AGBL4: variants seen among roughly 807,000 people sequenced by gnomAD.
AGBL4 encodes the protein AGBL carboxypeptidase 4.
In AGBL4, 58 loss-of-function variants were observed where a neutral mutation model predicts 66.4. The ratio of observed to expected loss-of-function variants is 0.87; its 90% CI spans 0.71 to 1.09. The LOEUF (loss-of-function observed/expected upper bound fraction) is 1.09, where lower values mean the gene tolerates loss of function less well. AGBL4 is among the 50% of genes least tolerant of loss of function. The pLI is 0.00. For missense variants in AGBL4, 579 were observed against 631.0 expected (o/e 0.92, Z 0.88); for synonymous variants, 234 against 222.9 (o/e 1.05, Z -0.44).
At chr1:49,437,209 C>T (rs1258048056) in intron 3 of AGBL4, among the ~76,000 whole-genome samples, 1 of 152,108 alleles carries the variant, frequency 6.6e-6, no homozygotes, top group African/African-American at 2.4e-5. Context: ...AGCTATCAAC[C>T]TTATTACTTT....
At chr1:48,994,985 C>T (rs1190820767) in intron 5 of AGBL4, among the ~76,000 whole-genome samples, 3 of 152,158 alleles carry the variant, frequency 2.0e-5, no homozygotes, top group Non-Finnish European at 4.4e-5. Context: ...ATTTCAAACA[C>T]AATTTGAGCC....
At chr1:49,331,815 C>T (rs1484835868) in intron 3 of AGBL4, among the ~76,000 whole-genome samples, 1 of 151,698 alleles carries the variant, frequency 6.6e-6, no homozygotes, top group Non-Finnish European at 1.5e-5. Context: ...CATGGCCAGA[C>T]TGCTTCTTTA....
At chr1:49,617,265 T>C (rs1298553587) in intron 3 of AGBL4, among the ~76,000 whole-genome samples, 4 of 152,196 alleles carry the variant, frequency 2.6e-5, no homozygotes, top group Non-Finnish European at 5.9e-5. Flanking sequence ...CTGCTTCATA[T>C]GCTCTGCCCT....
At chr1:49,058,862 G>T (rs1644352060) in intron 4 of AGBL4, among the ~76,000 whole-genome samples, 1 of 152,208 alleles carries the variant, frequency 6.6e-6, no homozygotes, top group South Asian at 2.1e-4. Flanking sequence ...GTGGCATTTT[G>T]CCCTGCCCTA....
intron 6 of AGBL4, among the ~76,000 whole-genome samples, chr1:48,779,466 C>G (rs993027273): frequency 2.0e-5 from 3 of 152,162 alleles, no homozygotes; most frequent in Non-Finnish European, 2.9e-5. Flanking sequence ...ACCACCCACA[C>G]TTTTCAAGGA....
chr1:50,013,163 C>T (rs1661681163), intron 1 of AGBL4, among the ~76,000 whole-genome samples: 2 of 152,116 alleles, frequency 1.3e-5, no homozygotes, highest in Admixed American at 1.3e-4. Flanking sequence ...ATCAGTACAA[C>T]ACAACACGAA....
At chr1:48,573,208 G>A (rs1004496048) in intron 11 of AGBL4, among the ~76,000 whole-genome samples, 1 of 152,178 alleles carries the variant, frequency 6.6e-6, no homozygotes, top group African/African-American at 2.4e-5. Flanking sequence ...TTTGAGTCCA[G>A]GGTGAAACGG....
intron 3 of AGBL4, among the ~76,000 whole-genome samples, chr1:49,367,070 T>C (rs1644253954): frequency 6.6e-6 from 1 of 152,160 alleles, no homozygotes; most frequent in Non-Finnish European, 1.5e-5. Flanking sequence ...GGAAGCTGCC[T>C]AGGTCCAGCA....
At chr1:48,994,365 C>A (rs1178284557) in intron 5 of AGBL4, among the ~76,000 whole-genome samples, 1 of 152,176 alleles carries the variant, frequency 6.6e-6, no homozygotes, top group Non-Finnish European at 1.5e-5. Flanking sequence ...CCTCCCTGTA[C>A]TATGCTTATA....
chr1:49,415,359 G>GA (rs952277361), intron 3 of AGBL4, among the ~76,000 whole-genome samples: 1 of 152,154 alleles, frequency 6.6e-6, no homozygotes, highest in African/African-American at 2.4e-5. Context: ...AATAAAAGAT[G>GA]AAATAGTAAG....
intron 4 of AGBL4, among the ~76,000 whole-genome samples, chr1:49,094,173 A>C (rs1262272596): frequency 6.6e-6 from 1 of 152,128 alleles, no homozygotes; most frequent in African/African-American, 2.4e-5. Context: ...TAGTACTGGC[A>C]CTATTTATAA....
At chr1:49,948,004 A>ATG (rs1553151787) in intron 1 of AGBL4, among the ~76,000 whole-genome samples, 1 of 31,126 alleles carries the variant, frequency 3.2e-5, no homozygotes, top group East Asian at 4.0e-4. Flanking sequence ...ATATAAATAT[A>ATG]TATAAATATA....
chr1:48,637,962 A>C (rs918061140), intron 8 of AGBL4, among the ~76,000 whole-genome samples: 2 of 152,162 alleles, frequency 1.3e-5, no homozygotes, highest in Non-Finnish European at 2.9e-5. Flanking sequence ...GCATCTAAAT[A>C]TTTAGAAAGG....
chr1:48,703,951 C>T (rs983326368), intron 6 of AGBL4, among the ~76,000 whole-genome samples: 1 of 152,176 alleles, frequency 6.6e-6, no homozygotes, highest in Non-Finnish European at 1.5e-5. Context: ...TAGGCAATTG[C>T]ATGGTTGTAC....
At chr1:49,266,032 C>T (rs1473132897) in intron 3 of AGBL4, 1 of 152,080 alleles carries the variant, frequency 6.6e-6, no homozygotes, top group East Asian at 1.9e-4. Flanking sequence ...ATGTGAAAAA[C>T]GAATCCTTAT....
chr1:49,371,655 C>T (rs1644347543), intron 3 of AGBL4, among the ~76,000 whole-genome samples: 1 of 152,130 alleles, frequency 6.6e-6, no homozygotes, highest in African/African-American at 2.4e-5. Context: ...GTCACCCTTT[C>T]CTGGCCCTCT....
intron 5 of AGBL4, among the ~76,000 whole-genome samples, chr1:48,907,381 C>A (rs1652700635): frequency 6.6e-6 from 1 of 152,104 alleles, no homozygotes; most frequent in Non-Finnish European, 1.5e-5. Context: ...TACTATGTTG[C>A]TGAATAAATG....
chr1:49,121,292 G>T (rs1364205836), intron 4 of AGBL4, among the ~76,000 whole-genome samples: 1 of 152,068 alleles, frequency 6.6e-6, no homozygotes, highest in East Asian at 1.9e-4. Flanking sequence ...GAGGCACTCT[G>T]GTTTGTAGAA....
intron 3 of AGBL4, among the ~76,000 whole-genome samples, chr1:49,528,698 TG>T (rs1487639059): frequency 8.6e-5 from 13 of 151,786 alleles, no homozygotes; most frequent in Admixed American, 8.5e-4. Flanking sequence ...ATTTCCAGAG[TG>T]ATTGACATTT....
Sources: allele counts gnomAD v4.1 joint callset (sites outside exome capture counted in the v4.1 genomes callset), GRCh38; gene constraint gnomAD v4.1.1; transcripts MANE v1.5; gene names NCBI Gene and HGNC (gene_info 2026-07-23, HGNC 2026-07-21).